Variants in BCOR observed in about 807,000 individuals in gnomAD.
The protein encoded by BCOR is BCL-6 corepressor.
BCOR carries 10 observed loss-of-function variants against 86.7 expected under a neutral mutation model. The observed-to-expected ratio is 0.12, with a 90% confidence interval of 0.07 to 0.20. BCOR has a LOEUF of 0.20. Among genes scored for constraint, BCOR ranks in the 10% least tolerant of loss-of-function variants. BCOR has a pLI of 1.00. For synonymous variants in BCOR, 611 were observed against 609.0 expected (o/e 1.00, Z -0.05); for missense variants, 1,259 against 1,452.1 (o/e 0.87, Z 2.16).
chrX:40,138,679 C>G (rs914533738), intron 1 of BCOR, among the ~76,000 whole-genome samples: 1 of 110,436 alleles, frequency 9.1e-6, no homozygotes, highest in Non-Finnish European at 1.9e-5. Context: ...CTCAGCCTCC[C>G]GAGTAGCTGG....
intron 1 of BCOR, among the ~76,000 whole-genome samples, chrX:40,170,444 G>A (rs1399877916): frequency 5.5e-5 from 6 of 108,651 alleles, no homozygotes; most frequent in Admixed American, 2.0e-4. Flanking sequence ...TCTGCCTACC[G>A]GGTTCAAGCA....
At position 40,073,751 on chromosome X, in the gene BCOR, A is replaced by G; in HGVS notation, c.1595T>C (p.Leu532Ser). 2 of 1,212,491 alleles carry G rather than the reference A, an allele frequency of 1.6e-6. No homozygotes were observed. Among genetic ancestry groups the G allele is most frequent in the South Asian group, 1.8e-5 (1 of 57,073 alleles). ...GKSMSLKNKA[L>S]DWAIPQQRSS... ...CCGCTGCTGTGGTATCGCCCAGTCC[A>G]ATGCCTTGTTTTTCAGCGACATGCT... The change falls in exon 4 of 15, where the codon TTG becomes TCG. Residue 532 changes from leucine to serine, a missense_variant. Around this residue, in one of 7 missense-constraint regions of BCOR, gnomAD observed 534 missense variants for 594.8 expected, o/e 0.90. Transcript: ENST00000378444.
chrX:40,165,909 C>T (rs187453050), intron 1 of BCOR, among the ~76,000 whole-genome samples: 111 of 111,876 alleles, frequency 9.9e-4, no homozygotes, highest in African/African-American at 3.5e-3. Flanking sequence ...TCCCGAGTAG[C>T]TAGGATTACA....
chrX:40,139,486 T>TATAC (rs1937854743), intron 1 of BCOR, among the ~76,000 whole-genome samples: 1 of 15,997 alleles, frequency 6.3e-5, no homozygotes, highest in Non-Finnish European at 9.0e-5. Context: ...TATATATATA[T>TATAC]ATATATATAT....
intron 1 of BCOR, among the ~76,000 whole-genome samples, chrX:40,144,045 C>T (rs925228590): frequency 5.4e-5 from 6 of 112,077 alleles, no homozygotes; most frequent in Non-Finnish European, 9.4e-5. Context: ...TTGAACTCTA[C>T]CTGTTCATGG....
At chrX:40,157,145 T>G (rs1260343758) in intron 1 of BCOR, among the ~76,000 whole-genome samples, 1 of 113,033 alleles carries the variant, frequency 8.8e-6, no homozygotes, top group Non-Finnish European at 1.9e-5. Context: ...TTTTCTTGTA[T>G]CTGATTTTTT....
intron 1 of BCOR, among the ~76,000 whole-genome samples, chrX:40,144,257 A>G (rs1186067860): frequency 2.7e-5 from 3 of 112,395 alleles, no homozygotes; most frequent in Non-Finnish European, 5.6e-5. Flanking sequence ...GAAATAAGAC[A>G]TTAGACTTTC....
intron 3 of BCOR, among the ~76,000 whole-genome samples, chrX:40,075,746 G>A (rs191542920): frequency 0.013 from 1,493 of 111,454 alleles, 20 homozygotes; most frequent in African/African-American, 0.045. Flanking sequence ...GCGACACAGC[G>A]AGACTCTGTC....
chrX:40,071,218 T>C (rs2147182343), intron 5 of BCOR, 59 bp from the exon 6 acceptor site: 1 of 1,095,905 alleles, frequency 9.1e-7, no homozygotes, highest in South Asian at 2.0e-5. Flanking sequence ...AAAAGCTATT[T>C]CATTTGCCTT....
chrX:40,076,516 C>T lies in BCOR; in HGVS notation c.103G>A (p.Asp35Asn), dbSNP rs1241716094. The change falls in exon 3 of 15, where the codon GAT (aspartate) becomes AAT (asparagine). Residue 35 changes from aspartate (D) to asparagine (N), a missense_variant. Coordinates refer to ENST00000378444, the MANE Select transcript of BCOR (RefSeq NM_001123385.2). ...ASEDRKILVN[D>N]GDASKARLEL... ...AGTCTGGCTTTTGAAGCGTCACCAT[C>T]ATTTACAAGGATTTTCCTATTTAAA... 2 of 1,202,657 alleles carry T rather than the reference C, an allele frequency of 1.7e-6. No individual in the cohort carries two copies. Among genetic ancestry groups the T allele is most frequent in the Non-Finnish European group, 2.3e-6 (2 of 887,634 alleles).
intron 1 of BCOR, among the ~76,000 whole-genome samples, chrX:40,137,482 A>C (rs1569191417): frequency 9.1e-6 from 1 of 110,485 alleles, no homozygotes; most frequent in Non-Finnish European, 1.9e-5. Context: ...CAGGAGGCGG[A>C]GGTTGCAGTG....
intron 1 of BCOR, among the ~76,000 whole-genome samples, chrX:40,096,363 C>T (rs1299467550): frequency 9.1e-6 from 1 of 110,268 alleles, no homozygotes; most frequent in African/African-American, 3.3e-5. Flanking sequence ...TAACTTAAAA[C>T]CTACGCTGAA....
rs1935100548 is a variant in BCOR at position 40,064,540 on chromosome X, G to T, written c.3298C>A (p.Leu1100Ile). ...TCCACAAAGTACTTCTCCACAGGAA[G>T]ATCTTTGTCCTCTGGGGCTTCAAAG... is the stretch of plus-strand genomic sequence containing the variant. ...DPFEAPEDKD[L>I]PVEKYFVERQ... Residue 1100 changes from leucine (L) to isoleucine (I), a missense_variant, in exon 7 of 15, where the codon CTT becomes ATT. This residue lies in a region of BCOR where 305 missense variants were observed against 286.1 expected (regional missense o/e 1.07). Transcript: ENST00000378444. 3 of 1,210,787 alleles carry T rather than the reference G, an allele frequency of 2.5e-6. No individual in the cohort carries two copies. The highest frequency in any genetic ancestry group is 3.4e-6 in the Non-Finnish European group (3 of 895,238).
At chrX:40,176,567 G>C (rs906630160) in intron 1 of BCOR, among the ~76,000 whole-genome samples, 37 of 112,764 alleles carry the variant, frequency 3.3e-4, no homozygotes, top group African/African-American at 1.2e-3. Context: ...CGCCCCGGGA[G>C]CCCGCTTCCG....
intron 1 of BCOR, among the ~76,000 whole-genome samples, chrX:40,110,692 T>C: frequency 4.3e-5 from 1 of 23,340 alleles, no homozygotes; most frequent in African/African-American, 3.8e-4. Flanking sequence ...TTTTTTTTTT[T>C]TTTTTTTTTT....
chrX:40,139,493 A>T lies in BCOR; in HGVS notation c.-41+37514T>A, dbSNP rs1156415460. ...TATATATATATATATATATATATAT[A>T]TATATTTTTTTTTTTTTTTAAGCAT... On this transcript the variant is annotated intron_variant, in intron 1 of 14. Transcript: ENST00000342274. Among the ~76,000 whole-genome samples the T allele has an allele frequency of 7.0e-3, 47 of 6,729 alleles. 9 individuals are homozygous for T. Among genetic ancestry groups the T allele is most frequent in the African/African-American group, 0.028 (40 of 1,434 alleles). 5.8% of individuals were successfully genotyped at this position (6,729 alleles called of 115,157 possible).
intron 1 of BCOR, among the ~76,000 whole-genome samples, chrX:40,116,358 G>A (rs757832648): frequency 4.5e-4 from 50 of 110,049 alleles, no homozygotes; most frequent in Non-Finnish European, 7.8e-4. Context: ...TTAGCCATGT[G>A]TGGTGGTGGG....
chrX:40,091,266 T>C (rs1386886551), intron 1 of BCOR, among the ~76,000 whole-genome samples: 1 of 112,662 alleles, frequency 8.9e-6, no homozygotes, highest in Non-Finnish European at 1.9e-5. Context: ...CCCGGGTCAA[T>C]GTAAATTGAT....
At chrX:40,079,429 G>C (rs910306779) in intron 1 of BCOR, among the ~76,000 whole-genome samples, 1 of 111,760 alleles carries the variant, frequency 8.9e-6, no homozygotes, top group East Asian at 2.8e-4. Context: ...TCCCAAAGCC[G>C]GTCTGTACTT....
Sources: gnomAD v4.1 joint callset for allele counts (sites outside exome capture counted in the v4.1 genomes callset) on GRCh38, gnomAD v4.1.1 for gene constraint, gnomAD v4.1.1 regional missense constraint, MANE v1.5 for transcripts, NCBI Gene and HGNC (gene_info 2026-07-23, HGNC 2026-07-21) for gene names.